ASH1L: variants seen among roughly 807,000 people sequenced by gnomAD.
The protein encoded by ASH1L is histone-lysine N-methyltransferase ASH1L.
Under a neutral mutation model 269.0 loss-of-function variants are expected in ASH1L, and 23 were observed. The observed-to-expected ratio is 0.09, with a 90% CI of 0.06 to 0.12. ASH1L has a LOEUF of 0.12. ASH1L is among the 10% of genes least tolerant of loss of function. The probability of loss-of-function intolerance (pLI) is 1.00; values close to 1 mark genes in which losing one functional copy is unlikely to be tolerated. For missense variants in ASH1L, 2,912 were observed against 3,567.8 expected (o/e 0.82, Z 4.68); for synonymous variants, 1,187 against 1,253.5 (o/e 0.95, Z 1.12).
At chr1:155,453,741 G>A (rs1287383111) in intron 4 of ASH1L, among the ~76,000 whole-genome samples, 1 of 152,142 alleles carries the variant, frequency 6.6e-6, no homozygotes, top group Admixed American at 6.5e-5. Flanking sequence ...AGAGGCTTCA[G>A]TAAGCCGAGA....
intron 3 of ASH1L, among the ~76,000 whole-genome samples, chr1:155,472,640 G>A (rs1665187462): frequency 6.6e-6 from 1 of 152,132 alleles, no homozygotes; most frequent in African/African-American, 2.4e-5. Flanking sequence ...AGTGAGGACT[G>A]TGGCGAACAA....
intron 12 of ASH1L, among the ~76,000 whole-genome samples, chr1:155,366,287 TC>T (rs1329492266): frequency 6.6e-6 from 1 of 152,118 alleles, no homozygotes; most frequent in Non-Finnish European, 1.5e-5. Context: ...AGAAAGTTAC[TC>T]TATATGGTCT....
chr1:155,427,892 G>T (rs889572916), intron 5 of ASH1L, among the ~76,000 whole-genome samples: 5 of 152,148 alleles, frequency 3.3e-5, no homozygotes, highest in Admixed American at 1.3e-4. Flanking sequence ...CGTTGCCATA[G>T]TGAGTGAGTT....
chr1:155,427,476 T>C (rs1661246801), intron 5 of ASH1L, among the ~76,000 whole-genome samples: 1 of 152,138 alleles, frequency 6.6e-6, no homozygotes, highest in Non-Finnish European at 1.5e-5. Flanking sequence ...CTAATTTTTG[T>C]ACTTTTTAGT....
intron 1 of ASH1L, among the ~76,000 whole-genome samples, chr1:155,542,681 A>T (rs1035314236): frequency 2.9e-4 from 37 of 127,344 alleles, no homozygotes; most frequent in African/African-American, 9.6e-4. Context: ...TAATTAATTA[A>T]TTTTTTTTTT....
chr1:155,525,012 C>T (rs1571063931), intron 1 of ASH1L, among the ~76,000 whole-genome samples: 1 of 152,150 alleles, frequency 6.6e-6, no homozygotes, highest in South Asian at 2.1e-4. Context: ...CTTTGGAAGG[C>T]TAAGGCAGGA....
At chr1:155,543,080 T>C (rs1262362067) in intron 1 of ASH1L, among the ~76,000 whole-genome samples, 5 of 152,162 alleles carry the variant, frequency 3.3e-5, no homozygotes, top group African/African-American at 1.2e-4. Flanking sequence ...ATATGAATTA[T>C]ATCTCAGTAA....
intron 1 of ASH1L, among the ~76,000 whole-genome samples, chr1:155,546,158 C>CAAAA (rs57715557): frequency 5.4e-5 from 6 of 110,760 alleles, no homozygotes; most frequent in African/African-American, 1.1e-4. Flanking sequence ...ATTCCATCAC[C>CAAAA]AAAAAAAAAA....
rs551180824 is a variant in ASH1L at position 155,462,949 on chromosome 1, G to A, written c.4985-3051C>T. 3.2e-4 allele frequency among the ~76,000 whole-genome samples: 48 copies of A among 152,226 alleles called. No homozygotes were observed. In the South Asian group the frequency reaches 8.5e-3, roughly 27 times the overall value. On this transcript the variant is annotated intron_variant, in intron 3 of 27. Coordinates refer to ENST00000392403, the MANE Select transcript of ASH1L (RefSeq NM_018489.3). ...TGAGGATAACTGAAAAAACATTAACGATATAAAGCAACCAAGTTTAAGACT... is the reference window on the plus strand; with the variant it reads ...TGAGGATAACTGAAAAAACATTAACAATATAAAGCAACCAAGTTTAAGACT...
rs1669045521 is a variant in ASH1L, at chr1:155,523,772, G to T, written c.-99-2154C>A. Among the ~76,000 whole-genome samples, 4 of 152,134 alleles carry T rather than the reference G, an allele frequency of 2.6e-5. 1 individual carries two copies. The South Asian group carries it at 8.3e-4, about 32-fold the overall frequency. On this transcript the variant is annotated intron_variant, in intron 1 of 27. Coordinates refer to ENST00000392403, the MANE Select transcript of ASH1L (RefSeq NM_018489.3). ...TGTAATTCCAACTACTCAGGAGGCT[G>T]AGGCATGAGAATCACTTGAACCTGG...
rs1387051692 is a variant in ASH1L at position 155,492,683 on chromosome 1, G to A, written c.421-10234C>T. On this transcript the variant is annotated intron_variant, in intron 2 of 27. Transcript: ENST00000392403. ...CATTCATATTTATGATTATTATTGT[G>A]CCACTAATATATGGATATTATAACT... is the stretch of plus-strand genomic sequence containing the variant. Among the ~76,000 whole-genome samples, 3 of 150,362 alleles carry A rather than the reference G, an allele frequency of 2.0e-5. 1 individual carries two copies. Among genetic ancestry groups the A allele is most frequent in the South Asian group, 4.2e-4 (2 of 4,802 alleles).
In ASH1L at chr1:155,519,047, T is replaced by C. The variant is rs144749384; in HGVS notation, c.420+2053A>G. On this transcript the variant is annotated intron_variant, in intron 2 of 27. Transcript: ENST00000392403. ...CAAAAATTCAAAGCAGGAACTTGAA[T>C]AGATAACTGTATGGCAACATTCACT... Among the ~76,000 whole-genome samples the C allele has an allele frequency of 2.9e-3, 443 of 152,302 alleles. 1 individual carries two copies. The highest frequency in any genetic ancestry group is 4.4e-3 in the Non-Finnish European group (299 of 68,026).
intron 2 of ASH1L, among the ~76,000 whole-genome samples, chr1:155,491,211 T>C (rs116743084): frequency 0.02 from 3,111 of 152,130 alleles, 105 homozygotes; most frequent in African/African-American, 0.072. Context: ...ATGTTGCACA[T>C]TTTTCCCAAT....
chr1:155,411,586 A>AATAAATATATATATAT lies in ASH1L; in HGVS notation c.6008+4157_6008+4158insATATATATATATTTAT, dbSNP rs1297131961. Among the ~76,000 whole-genome samples the AATAAATATATATATAT allele has an allele frequency of 3.8e-3, 207 of 55,008 alleles. 4 individuals are homozygous for AATAAATATATATATAT. The highest frequency in any genetic ancestry group is 0.017 in the Admixed American group (68 of 3,916). The allele number at this position is 55,008 out of a possible 152,430, so 36.1% of individuals were successfully genotyped here. A position where few individuals can be genotyped will look rare whatever the true frequency, so the allele number is the denominator to read the frequency against. On this transcript the variant is annotated intron_variant, in intron 6 of 27. Transcript: ENST00000392403. ...AAATATGAATATAAATAAATAAATAAATATATATATATATATATATATATA... is the reference window on the plus strand; with the variant it reads ...AAATATGAATATAAATAAATAAATAAATAAATATATATATATATATATATATATATATATATATATA...
chr1:155,442,581 CTCAAAAAAAAAAAAAAAAAAAA>C (rs1046556015), intron 4 of ASH1L, among the ~76,000 whole-genome samples: 17 of 117,416 alleles, frequency 1.4e-4, no homozygotes, highest in Admixed American at 2.0e-4. Context: ...AAGACTCCAT[CTCAAAAAAAAAAAAAAAAAAAA>C]TCAAAAAAAA....
chr1:155,518,909 G>T (rs938183702), intron 2 of ASH1L, among the ~76,000 whole-genome samples: 7 of 152,272 alleles, frequency 4.6e-5, no homozygotes, highest in Admixed American at 4.6e-4. Context: ...AAAAACTCAT[G>T]CATTGCTGAT....
intron 12 of ASH1L, among the ~76,000 whole-genome samples, chr1:155,367,750 T>C (rs1021794086): frequency 1.3e-5 from 2 of 152,248 alleles, no homozygotes; most frequent in Admixed American, 1.3e-4. Context: ...TAAAATTACA[T>C]TGGTTTACAC....
chr1:155,399,784 G>A (rs1658675616), intron 6 of ASH1L, among the ~76,000 whole-genome samples: 1 of 152,088 alleles, frequency 6.6e-6, no homozygotes, highest in African/African-American at 2.4e-5. Context: ...AAAGATAAAT[G>A]GGATTTTGAC....
Position 155,439,523 on chromosome 1 carries a change from A to T in ASH1L, c.5087-455T>A, listed in dbSNP as rs549560456. Among the ~76,000 whole-genome samples, 4 of 152,192 alleles carry T rather than the reference A, an allele frequency of 2.6e-5. No individual in the cohort carries two copies. In the East Asian group the frequency reaches 5.8e-4, roughly 22 times the overall value. ...GATCAACCTAAGGAACATAGCAAGA[A>T]GATGTCTCTACAAACAATATAAAAA... On this transcript the variant is annotated intron_variant, in intron 4 of 27. Coordinates refer to ENST00000392403, the MANE Select transcript of ASH1L (RefSeq NM_018489.3).
Sources: allele counts gnomAD v4.1 joint callset (sites outside exome capture counted in the v4.1 genomes callset), GRCh38; gene constraint gnomAD v4.1.1; transcripts MANE v1.5; gene names NCBI Gene and HGNC (gene_info 2026-07-23, HGNC 2026-07-21).